Variants in NTM observed in about 807,000 individuals in gnomAD.
The protein encoded by NTM is IgLON family member 2.
In NTM, 13 loss-of-function variants were observed where a neutral mutation model predicts 42.1. The ratio of observed to expected loss-of-function variants is 0.31; its 90% CI spans 0.20 to 0.49. The LOEUF is 0.49. Among genes scored for constraint, NTM ranks in the 20% least tolerant of loss-of-function variants. NTM has a pLI of 0.99. For synonymous variants in NTM, 187 were observed against 179.2 expected (o/e 1.04, Z -0.35); for missense variants, 373 against 452.8 (o/e 0.82, Z 1.60).
In NTM at chr11:132,070,577, A is replaced by G. The variant is rs1415645303; in HGVS notation, c.168-75705A>G. Among the ~76,000 whole-genome samples, 6 of 124,564 alleles carry G rather than the reference A, an allele frequency of 4.8e-5. 1 individual carries two copies. Among genetic ancestry groups the G allele is most frequent in the Non-Finnish European group, 1.1e-4 (6 of 57,072 alleles). The allele number at this position is 124,564 out of a possible 152,430, so 81.7% of individuals were successfully genotyped here. ...GTTTAGTTAACACGTCACACAGCCA[A>G]GTTAACACGTCAAACTGACCATCAC... On this transcript the variant is annotated intron_variant, in intron 2 of 8. Coordinates refer to ENST00000683400, the MANE Select transcript of NTM (RefSeq NM_001352005.2).
At chr11:131,570,954 C>T (rs1052869309) in intron 1 of NTM, among the ~76,000 whole-genome samples, 6 of 152,174 alleles carry the variant, frequency 3.9e-5, no homozygotes, top group Non-Finnish European at 5.9e-5. Flanking sequence ...AAGAGAGTGG[C>T]GGAGAAGACA....
intron 1 of NTM, among the ~76,000 whole-genome samples, chr11:131,910,637 C>T (rs1029177327): frequency 2.7e-5 from 4 of 150,608 alleles, no homozygotes; most frequent in Admixed American, 6.6e-5. Flanking sequence ...GGGAGGAAGG[C>T]GGCGCGGAGG....
At chr11:131,723,408 A>G (rs1182320539) in intron 1 of NTM, among the ~76,000 whole-genome samples, 3 of 152,254 alleles carry the variant, frequency 2.0e-5, no homozygotes, top group Non-Finnish European at 4.4e-5. Context: ...AGTCTTCTCC[A>G]TGGAGGTTTC....
At chr11:131,757,360 A>T (rs1027132457) in intron 1 of NTM, among the ~76,000 whole-genome samples, 4 of 152,212 alleles carry the variant, frequency 2.6e-5, no homozygotes, top group Non-Finnish European at 5.9e-5. Context: ...AATTCCTTCT[A>T]CTGGAGTCAT....
At position 131,924,701 on chromosome 11, in the gene NTM, A is replaced by G. The variant is rs565021445; in HGVS notation, c.167+13053A>G. Among the ~76,000 whole-genome samples the G allele has an allele frequency of 7.5e-4, 115 of 152,342 alleles. 1 individual carries two copies. Among genetic ancestry groups the G allele is most frequent in the Non-Finnish European group, 1.6e-4 (11 of 68,020 alleles). On this transcript the variant is annotated intron_variant, in intron 2 of 8. Coordinates refer to ENST00000683400, the MANE Select transcript of NTM (RefSeq NM_001352005.2). ...AAATTCTTGAATGACAGCACAGAGC[A>G]GGGCTCACACCCCCACCCACCAGCT...
intron 1 of NTM, among the ~76,000 whole-genome samples, chr11:131,608,325 T>C (rs1436153146): frequency 2.6e-5 from 4 of 152,210 alleles, no homozygotes; most frequent in Non-Finnish European, 4.4e-5. Flanking sequence ...CATTTTTGAA[T>C]GAGTGCATGA....
intron 1 of NTM, among the ~76,000 whole-genome samples, chr11:131,449,342 G>A (rs927444237): frequency 6.6e-6 from 1 of 152,166 alleles, no homozygotes; most frequent in East Asian, 1.9e-4. Context: ...GCATGGAGGT[G>A]GGGGCTTACA....
chr11:132,258,998 G>T (rs1437974383), intron 4 of NTM, among the ~76,000 whole-genome samples: 11 of 152,060 alleles, frequency 7.2e-5, no homozygotes, highest in Admixed American at 3.3e-4. Flanking sequence ...TCCTGCCCCT[G>T]ATTTAACTGC....
At chr11:131,682,611 G>A (rs1208402237) in intron 1 of NTM, among the ~76,000 whole-genome samples, 9 of 152,234 alleles carry the variant, frequency 5.9e-5, no homozygotes, top group African/African-American at 1.9e-4. Context: ...AGCCCAGCAT[G>A]AGCCCGGTTC....
At chr11:131,868,681 G>GT (rs1165525899) in intron 1 of NTM, among the ~76,000 whole-genome samples, 3 of 152,122 alleles carry the variant, frequency 2.0e-5, no homozygotes, top group Non-Finnish European at 4.4e-5. Flanking sequence ...CTTTGTTATT[G>GT]TTTTCTTTTT....
intron 1 of NTM, among the ~76,000 whole-genome samples, chr11:131,789,849 G>T (rs561279759): frequency 6.6e-6 from 1 of 150,408 alleles, no homozygotes; most frequent in South Asian, 2.1e-4. Context: ...CCAGCTACAC[G>T]GGAGGCTGAG....
At chr11:131,985,814 G>A (rs1593418863) in intron 2 of NTM, among the ~76,000 whole-genome samples, 1 of 152,280 alleles carries the variant, frequency 6.6e-6, no homozygotes, top group East Asian at 1.9e-4. Flanking sequence ...TTGGTGAGCA[G>A]CAACCAATCT....
chr11:131,954,672 A>G (rs2061379409), intron 2 of NTM, among the ~76,000 whole-genome samples: 1 of 152,176 alleles, frequency 6.6e-6, no homozygotes, highest in Admixed American at 6.5e-5. Flanking sequence ...GCAAAGTTTT[A>G]GGGAGCAGTG....
chr11:131,952,487 A>C (rs540019508), intron 2 of NTM, among the ~76,000 whole-genome samples: 1 of 152,192 alleles, frequency 6.6e-6, no homozygotes, highest in Non-Finnish European at 1.5e-5. Flanking sequence ...ATACATACTT[A>C]TGGGCATTTT....
At position 132,039,841 on chromosome 11, in the gene NTM, C is replaced by T. The variant is rs547840897; in HGVS notation, c.168-106441C>T. 2.7e-3 allele frequency among the ~76,000 whole-genome samples: 411 copies of T among 152,308 alleles called. 2 individuals carry two copies. The highest frequency in any genetic ancestry group is 6.8e-3 in the Middle Eastern group (2 of 294). On this transcript the variant is annotated intron_variant, in intron 2 of 8. Coordinates refer to ENST00000683400, the MANE Select transcript of NTM (RefSeq NM_001352005.2). ...CGGCGCAGTTTCCGCACCAGTAAATCACCATGAAATCTACCATATTCACCT... is the reference window on the plus strand; with the variant it reads ...CGGCGCAGTTTCCGCACCAGTAAATTACCATGAAATCTACCATATTCACCT...
At chr11:131,783,670 A>C (rs1591807405) in intron 1 of NTM, among the ~76,000 whole-genome samples, 1 of 152,304 alleles carries the variant, frequency 6.6e-6, no homozygotes, top group East Asian at 1.9e-4. Flanking sequence ...ATATAAGAGC[A>C]ATAATTATAC....
intron 1 of NTM, among the ~76,000 whole-genome samples, chr11:131,418,607 G>T (rs1330054149): frequency 6.6e-6 from 1 of 152,164 alleles, no homozygotes; most frequent in African/African-American, 2.4e-5. Context: ...GATTAAATTG[G>T]CCTCGAAAGC....
At chr11:131,738,991 T>C (rs2080842630) in intron 1 of NTM, among the ~76,000 whole-genome samples, 1 of 152,132 alleles carries the variant, frequency 6.6e-6, no homozygotes, top group African/African-American at 2.4e-5. Context: ...TGGGCTTTGA[T>C]CCCTGCAGCT....
chr11:131,913,953 A>C (rs2055784904), intron 2 of NTM, among the ~76,000 whole-genome samples: 2 of 152,190 alleles, frequency 1.3e-5, no homozygotes, highest in South Asian at 4.1e-4. Context: ...CACCAGGTGT[A>C]ACAAGCAACC....
Sources: allele counts gnomAD v4.1 joint callset (sites outside exome capture counted in the v4.1 genomes callset), GRCh38; gene constraint gnomAD v4.1.1; transcripts MANE v1.5; gene names NCBI Gene and HGNC (gene_info 2026-07-23, HGNC 2026-07-21).